Variants in KLHL2 observed in about 807,000 individuals in gnomAD.
KLHL2 encodes the protein kelch like family member 2.
In KLHL2, 15 loss-of-function variants were observed where a neutral mutation model predicts 75.8. That is an observed-to-expected ratio of 0.20 (90% confidence interval 0.13 to 0.30). The LOEUF (loss-of-function observed/expected upper bound fraction) is 0.30, where lower values mean the gene tolerates loss of function less well. KLHL2 is among the 10% of genes least tolerant of loss of function. The pLI is 1.00. For missense variants in KLHL2, 381 were observed against 741.0 expected, an observed-to-expected ratio of 0.51 and a Z score of 5.64; for synonymous variants, 214 against 251.9, an observed-to-expected ratio of 0.85 and a Z score of 1.42.
rs1308245779 is a variant in KLHL2 at position 165,313,371 on chromosome 4, A to G, written c.1468+5A>G. On this transcript the variant is annotated splice_donor_5th_base_variant and intron_variant, in intron 12 of 14. Coordinates refer to ENST00000226725, the MANE Select transcript of KLHL2 (RefSeq NM_007246.4). ...GCACCAGGCGGAGTGGAGCAGGTAC[A>G]TGTGAACCTGTTTTAGCAACTGAAG... 3.4e-6 allele frequency: 5 copies of G among 1,489,680 alleles called. No homozygotes were observed. The highest frequency in any genetic ancestry group is 2.6e-5 in the East Asian group (1 of 39,052). 92.3% of individuals were successfully genotyped at this position (1,489,680 alleles called of 1,614,324 possible). A position where few individuals can be genotyped will look rare whatever the true frequency, so the allele number is the denominator to read the frequency against.
In KLHL2 at chr4:165,322,107, A is replaced by G; in HGVS notation, c.*47A>G. On this transcript the variant is annotated 3_prime_UTR_variant, in exon 15 of 15. Coordinates refer to ENST00000226725, the MANE Select transcript of KLHL2 (RefSeq NM_007246.4). ...TATTTATACATGAGAAACAGCCTTCAACAAGTATTTGTGAAGTGACTGAGA... is the reference window on the plus strand; with the variant it reads ...TATTTATACATGAGAAACAGCCTTCGACAAGTATTTGTGAAGTGACTGAGA... 1 of 1,551,188 alleles carries G rather than the reference A, an allele frequency of 6.4e-7. No individual in the cohort carries two copies. Among genetic ancestry groups the G allele is most frequent in the African/African-American group, 1.4e-5 (1 of 73,744 alleles).
chr4:165,245,158 A>G (rs1437290796), intron 4 of KLHL2, among the ~76,000 whole-genome samples: 1 of 152,136 alleles, frequency 6.6e-6, no homozygotes, highest in Non-Finnish European at 1.5e-5. Flanking sequence ...CAGTAAACGA[A>G]GATCGCACCA....
intron 2 of KLHL2, among the ~76,000 whole-genome samples, chr4:165,227,276 C>T (rs930940546): frequency 2.0e-5 from 3 of 152,144 alleles, no homozygotes; most frequent in Admixed American, 6.5e-5. Flanking sequence ...GTCTCATCAG[C>T]AATGAGGCCC....
chr4:165,250,188 T>G (rs772410314), intron 4 of KLHL2, among the ~76,000 whole-genome samples: 1 of 152,198 alleles, frequency 6.6e-6, no homozygotes, highest in South Asian at 2.1e-4. Flanking sequence ...TGTTTTGAGC[T>G]TTGTTACAGT....
At chr4:165,235,264 G>C (rs751160320) in intron 3 of KLHL2, among the ~76,000 whole-genome samples, 1 of 152,316 alleles carries the variant, frequency 6.6e-6, no homozygotes, top group African/African-American at 2.4e-5. Context: ...GCAGTGGTGC[G>C]GTCTTAGCTC....
At chr4:165,208,602 G>A (rs142284719) in intron 1 of KLHL2, 31 of 152,204 alleles carry the variant, frequency 2.0e-4, no homozygotes, top group African/African-American at 7.5e-4. Flanking sequence ...AGAAATAATA[G>A]CTGAAACATT....
At position 165,264,721 on chromosome 4, in the gene KLHL2, C is replaced by CATATATATATATATATAT. The variant is rs1187856274; in HGVS notation, c.544+1363_544+1380dup. Among the ~76,000 whole-genome samples the CATATATATATATATATAT allele has an allele frequency of 7.0e-5, 5 of 71,196 alleles. 1 individual carries two copies. The highest frequency in any genetic ancestry group is 1.1e-4 in the Non-Finnish European group (4 of 37,906). 46.7% of individuals were successfully genotyped at this position (71,196 alleles called of 152,430 possible). ...GTGTGTGTGTATATATATATATATA[C>CATATATATATATATATAT]ATATATATATATATATATGTATATA... On this transcript the variant is annotated intron_variant, in intron 5 of 14. Coordinates refer to ENST00000226725, the MANE Select transcript of KLHL2 (RefSeq NM_007246.4).
chr4:165,278,900 T>G (rs1743401187), intron 5 of KLHL2: 1 of 1,414,500 alleles, frequency 7.1e-7, no homozygotes, highest in African/African-American at 1.4e-5. Flanking sequence ...TGGCACACCT[T>G]CCAAGGCCCC....
Position 165,317,975 on chromosome 4 carries a change from A to C in KLHL2, c.1753+6A>C. The stretch of plus-strand genomic sequence containing the variant: ...CACAGGGAGAAGTTATGCAGGTAAC[A>C]GTTGTCTCTAAAGTCAATTTCCGTA... On this transcript the variant is annotated splice_donor_region_variant and intron_variant, in intron 14 of 14. Coordinates refer to ENST00000226725, the MANE Select transcript of KLHL2 (RefSeq NM_007246.4). 6.2e-7 allele frequency: 1 copy of C among 1,611,862 alleles called. No homozygotes were observed. The highest frequency in any genetic ancestry group is 1.1e-5 in the South Asian group (1 of 90,646).
At chr4:165,311,072 T>A (rs1311065937) in intron 10 of KLHL2, among the ~76,000 whole-genome samples, 2 of 152,110 alleles carry the variant, frequency 1.3e-5, no homozygotes, top group South Asian at 4.1e-4. Context: ...TTAGCCAGGA[T>A]GGTCTCAATC....
intron 8 of KLHL2, 147 bp downstream of exon 8, chr4:165,299,803 T>C (rs1259425626): frequency 9.3e-6 from 6 of 641,840 alleles, no homozygotes; most frequent in African/African-American, 7.4e-5. Flanking sequence ...TTGTAGTGTA[T>C]GTAATTCAAC....
At chr4:165,258,695 T>G (rs181241983) in intron 4 of KLHL2, among the ~76,000 whole-genome samples, 1 of 152,366 alleles carries the variant, frequency 6.6e-6, no homozygotes, top group East Asian at 1.9e-4. Context: ...CTCTTTACAT[T>G]GCTAGGTGTT....
At chr4:165,220,989 C>T (rs972722945) in intron 2 of KLHL2, among the ~76,000 whole-genome samples, 3 of 152,100 alleles carry the variant, frequency 2.0e-5, no homozygotes, top group Non-Finnish European at 2.9e-5. Flanking sequence ...AAGTACTCTA[C>T]GTATATCTAT....
chr4:165,220,675 G>C (rs1737911824), intron 2 of KLHL2, among the ~76,000 whole-genome samples: 1 of 152,028 alleles, frequency 6.6e-6, no homozygotes, highest in Non-Finnish European at 1.5e-5. Context: ...GTTTATATTG[G>C]ACAGTGCTGG....
At chr4:165,292,489 T>C (rs981691207) in intron 5 of KLHL2, among the ~76,000 whole-genome samples, 1 of 152,038 alleles carries the variant, frequency 6.6e-6, no homozygotes, top group African/African-American at 2.4e-5. Flanking sequence ...TGTGCCACCA[T>C]GCCTGGCTAC....
At chr4:165,279,080 C>T (rs1464642899) in intron 5 of KLHL2, 5 of 1,543,118 alleles carry the variant, frequency 3.2e-6, no homozygotes, top group Non-Finnish European at 4.5e-6. Flanking sequence ...TCCATTGACG[C>T]CTCCTGTCAA....
intron 5 of KLHL2, among the ~76,000 whole-genome samples, chr4:165,273,970 C>A (rs1172839013): frequency 6.6e-6 from 1 of 152,154 alleles, no homozygotes; most frequent in African/African-American, 2.4e-5. Context: ...AGAAAATTTA[C>A]CCAAACCTTC....
intron 5 of KLHL2, among the ~76,000 whole-genome samples, chr4:165,263,608 G>A (rs1479206671): frequency 7.0e-6 from 1 of 142,060 alleles, no homozygotes; most frequent in Non-Finnish European, 1.5e-5. Flanking sequence ...AGGTTTTTTT[G>A]TTTTTTTTTT....
chr4:165,264,738 ATGT>A (rs1742075237), intron 5 of KLHL2, among the ~76,000 whole-genome samples: 1 of 76,548 alleles, frequency 1.3e-5, no homozygotes, highest in South Asian at 4.7e-4. Flanking sequence ...ATATATATAT[ATGT>A]ATATATATAT....
Sources: gnomAD v4.1 joint callset for allele counts (sites outside exome capture counted in the v4.1 genomes callset) on GRCh38, gnomAD v4.1.1 for gene constraint, MANE v1.5 for transcripts, NCBI Gene and HGNC (gene_info 2026-07-23, HGNC 2026-07-21) for gene names.